The following GRIK5 variants were observed in gnomAD, a reference collection of about 807,000 sequenced individuals.
GRIK5 encodes the protein glutamate receptor ionotropic, kainate 5.
In GRIK5, 43 loss-of-function variants were observed where a neutral mutation model predicts 97.4. The ratio of observed to expected loss-of-function variants is 0.44; its 90% CI spans 0.35 to 0.57. The LOEUF (loss-of-function observed/expected upper bound fraction) is 0.57, where lower values mean the gene tolerates loss of function less well. GRIK5 is among the 20% of genes least tolerant of loss of function. The probability of loss-of-function intolerance (pLI) is 0.01; values close to 1 mark genes in which losing one functional copy is unlikely to be tolerated. For missense variants in GRIK5, 1,015 were observed against 1,382.0 expected, an observed-to-expected ratio of 0.73 and a Z score of 4.21; for synonymous variants, 580 against 583.5, an observed-to-expected ratio of 0.99 and a Z score of 0.09.
At chr19:42,034,996 T>C (rs957518498) in intron 12 of GRIK5, among the ~76,000 whole-genome samples, 5 of 152,158 alleles carry the variant, frequency 3.3e-5, no homozygotes, top group African/African-American at 1.2e-4. Flanking sequence ...TGGTTTGTTT[T>C]TGTTTTCGTT....
chr19:42,065,482 A>G lies in GRIK5; in HGVS notation c.80-95T>C. On this transcript the variant is annotated intron_variant, in intron 2 of 19. Transcript: ENST00000593562. This position sits in a 1 kb window ranked among gnomAD's most constrained non-coding sequence, Gnocchi z 5.8. ...TCCAGGGCTCTAGGGTGAGGTGGGT[A>G]TACGGACCAGGGGTCTAGACACCTG... The G allele has an allele frequency of 7.6e-7, 1 of 1,315,278 alleles. No homozygotes were observed. Among genetic ancestry groups the G allele is most frequent in the East Asian group, 2.4e-5 (1 of 42,092 alleles). The allele number at this position is 1,315,278 out of a possible 1,614,324, so 81.5% of individuals were successfully genotyped here.
In GRIK5 at chr19:42,065,195, C is replaced by T; in HGVS notation, c.244+28G>A. 6.3e-7 allele frequency: 1 copy of T among 1,588,932 alleles called. No homozygotes were observed. Among genetic ancestry groups the T allele is most frequent in the Non-Finnish European group, 8.6e-7 (1 of 1,163,946 alleles). On this transcript the variant is annotated intron_variant, in intron 3 of 19. Transcript: ENST00000593562. This position sits in a 1 kb window ranked among gnomAD's most constrained non-coding sequence, Gnocchi z 5.8. ...TGAGGGCCACCGACCTGCCCTGCCT[C>T]ACCCCACGCCCCCATGGCCCCGCTC...
chr19:42,021,970 G>C lies in GRIK5; in HGVS notation c.1674C>G (p.Ser558Arg). 1 of 1,613,266 alleles carries C rather than the reference G, an allele frequency of 6.2e-7. No individual in the cohort carries two copies. Among genetic ancestry groups the C allele is most frequent in the Non-Finnish European group, 8.5e-7 (1 of 1,179,274 alleles). Residue 558 changes from serine to arginine, a missense_variant, in exon 14 of 20, where the codon AGC (serine) becomes AGG (arginine). By Grantham distance (110) the Ser-to-Arg change is moderately radical (BLOSUM62 -1). This residue lies in a region of GRIK5 where 477 missense variants were observed against 701.1 expected (regional missense o/e 0.68). Coordinates refer to ENST00000593562, the MANE Select transcript of GRIK5 (RefSeq NM_002088.5). The surrounding 1 kb of genome is among the most constrained non-coding windows in gnomAD (Gnocchi z 4.2). Reference protein sequence around the residue: ...LFMLLAYLAVSCVLFLAARLS... With the variant: ...LFMLLAYLAVRCVLFLAARLS... ...ACCTGGCAGCCAGAAACAGGACGCA[G>C]CTGACAGCCAGGTAGGCAAGAAGCA...
At chr19:42,054,886 A>C (rs2076163025) in intron 8 of GRIK5, among the ~76,000 whole-genome samples, 1 of 152,082 alleles carries the variant, frequency 6.6e-6, no homozygotes, top group Non-Finnish European at 1.5e-5. Context: ...CCATTCATCT[A>C]TACACAGCTT....
chr19:42,064,921 T>C (rs1453500781), intron 3 of GRIK5, among the ~76,000 whole-genome samples: 1 of 152,222 alleles, frequency 6.6e-6, no homozygotes, highest in East Asian at 1.9e-4. Flanking sequence ...CCTCCATGCC[T>C]GGGGCTTGTT....
chr19:42,019,126 C>T (rs1217280498), intron 15 of GRIK5, among the ~76,000 whole-genome samples: 2 of 152,086 alleles, frequency 1.3e-5, no homozygotes, highest in African/African-American at 2.4e-5. Context: ...AGGAAGAGGG[C>T]CCCTGGCTGG....
At chr19:42,018,896 C>T (rs2075663455) in intron 15 of GRIK5, among the ~76,000 whole-genome samples, 1 of 152,130 alleles carries the variant, frequency 6.6e-6, no homozygotes, top group African/African-American at 2.4e-5. Flanking sequence ...CCCTGAGTCC[C>T]ACGAGGGCGG....
At position 42,042,966 on chromosome 19, in the gene GRIK5, C is replaced by T; in HGVS notation, c.1270-211G>A. On this transcript the variant is annotated intron_variant, in intron 11 of 19. Coordinates refer to ENST00000593562, the MANE Select transcript of GRIK5 (RefSeq NM_002088.5). The surrounding 1 kb of genome is among the most constrained non-coding windows in gnomAD (Gnocchi z 6.9). ...ACACATGGGTACTGCCAGTTCCTAG[C>T]AGATTGCAGGGAGCCATTTTAATCT... The T allele has an allele frequency of 1.7e-6, 1 of 582,336 alleles. No individual in the cohort carries two copies. The highest frequency in any genetic ancestry group is 2.8e-5 in the East Asian group (1 of 35,170). 36.1% of individuals were successfully genotyped at this position (582,336 alleles called of 1,614,324 possible). A position where few individuals can be genotyped will look rare whatever the true frequency, so the allele number is the denominator to read the frequency against.
At chr19:42,034,835 C>A (rs937177549) in intron 12 of GRIK5, among the ~76,000 whole-genome samples, 2 of 143,816 alleles carry the variant, frequency 1.4e-5, no homozygotes, top group African/African-American at 5.2e-5. Flanking sequence ...CAGTTTCCCC[C>A]ACTAGAACAT....
At chr19:42,017,553 C>G (rs568083123) in intron 15 of GRIK5, among the ~76,000 whole-genome samples, 1 of 152,146 alleles carries the variant, frequency 6.6e-6, no homozygotes, top group African/African-American at 2.4e-5. Flanking sequence ...TGAGAAGCCC[C>G]ATTTGAGGGG....
chr19:42,025,036 G>A (rs2075752493), intron 12 of GRIK5, among the ~76,000 whole-genome samples: 1 of 152,220 alleles, frequency 6.6e-6, no homozygotes, highest in Non-Finnish European at 1.5e-5. Context: ...AGGATCTGCT[G>A]TGTCTCATGT....
chr19:42,061,627 G>A (rs909537706), intron 5 of GRIK5, among the ~76,000 whole-genome samples: 25 of 152,288 alleles, frequency 1.6e-4, no homozygotes, highest in Admixed American at 1.2e-3. Context: ...CGTGTGCCCC[G>A]ATGAATCGTG....
rs1389112690 is a variant in GRIK5, at chr19:41,999,807, T to C, written c.2515-508A>G. On this transcript the variant is annotated intron_variant, in intron 19 of 19. Transcript: ENST00000593562. This position sits in a 1 kb window ranked among gnomAD's most constrained non-coding sequence, Gnocchi z 5.0. Reference sequence around the variant, plus strand: ...GAAGATAACAGACATGTATGTAGTGTGTTAGGCGTGGTGAGTGCTTTGGAA... The same window carrying C: ...GAAGATAACAGACATGTATGTAGTGCGTTAGGCGTGGTGAGTGCTTTGGAA... Among the ~76,000 whole-genome samples the C allele has an allele frequency of 6.6e-6, 1 of 152,164 alleles. No homozygotes were observed. The highest frequency in any genetic ancestry group is 2.4e-5 in the African/African-American group (1 of 41,442).
chr19:42,046,247 G>A (rs1039994982), intron 11 of GRIK5, among the ~76,000 whole-genome samples: 1 of 152,148 alleles, frequency 6.6e-6, no homozygotes, highest in Non-Finnish European at 1.5e-5. Flanking sequence ...AGGAACTTAG[G>A]TTCAGGGTCT....
chr19:42,034,100 A>G (rs904934348), intron 12 of GRIK5, among the ~76,000 whole-genome samples: 1 of 152,128 alleles, frequency 6.6e-6, no homozygotes, highest in Non-Finnish European at 1.5e-5. Flanking sequence ...GGTGGCTTAC[A>G]CCTGTAATCT....
intron 15 of GRIK5, among the ~76,000 whole-genome samples, chr19:42,007,815 C>T (rs1370314051): frequency 6.6e-6 from 1 of 152,088 alleles, no homozygotes; most frequent in Admixed American, 6.5e-5. Context: ...TCATTGAATA[C>T]ATGAGACATT....
intron 15 of GRIK5, among the ~76,000 whole-genome samples, chr19:42,017,629 GAC>G (rs1365057190): frequency 6.6e-6 from 1 of 152,186 alleles, no homozygotes; most frequent in African/African-American, 2.4e-5. Context: ...AAACCAGGAG[GAC>G]ACAGAGCCTA....
intron 12 of GRIK5, among the ~76,000 whole-genome samples, chr19:42,036,691 G>A (rs916124895): frequency 6.6e-6 from 1 of 152,162 alleles, no homozygotes; most frequent in Non-Finnish European, 1.5e-5. Context: ...AGAGAACTGG[G>A]GACAACATTT....
intron 12 of GRIK5, among the ~76,000 whole-genome samples, chr19:42,023,984 C>T (rs903423393): frequency 3.3e-5 from 5 of 152,192 alleles, no homozygotes; most frequent in African/African-American, 1.2e-4. Context: ...GCCCTGCCAG[C>T]CTCCCCTCAT....
Sources: gnomAD v4.1 joint callset for allele counts (sites outside exome capture counted in the v4.1 genomes callset) on GRCh38, gnomAD v4.1.1 for gene constraint, gnomAD v4.1.1 regional missense constraint, Gnocchi (gnomAD v3.1) non-coding constraint, MANE v1.5 for transcripts, NCBI Gene and HGNC (gene_info 2026-07-23, HGNC 2026-07-21) for gene names.